The following STX16 variants were observed in gnomAD, a reference collection of about 807,000 sequenced individuals.
STX16 encodes the protein syntaxin-16.
In STX16, 28 loss-of-function variants were observed where a neutral mutation model predicts 42.7. The ratio of observed to expected loss-of-function variants is 0.66; its 90% CI spans 0.49 to 0.90. STX16 has a LOEUF of 0.90. Among genes scored for constraint, STX16 ranks in the 40% least tolerant of loss-of-function variants. The pLI is 0.00. For missense variants in STX16, 361 were observed against 420.9 expected (o/e 0.86, Z 1.24); for synonymous variants, 156 against 155.2 (o/e 1.00, Z -0.04).
intron 2 of STX16, among the ~76,000 whole-genome samples, chr20:58,660,700 A>G (rs187867935): frequency 7.3e-6 from 1 of 136,296 alleles, no homozygotes; most frequent in East Asian, 2.4e-4. Context: ...CATGGATAAT[A>G]TGATTCCTGC....
Position 58,676,402 on chromosome 20 carries a change from C to T in STX16, c.*111C>T. 2.1e-6 allele frequency: 2 copies of T among 948,250 alleles called. No individual in the cohort carries two copies. Among genetic ancestry groups the T allele is most frequent in the Non-Finnish European group, 3.4e-6 (2 of 593,444 alleles). The allele number at this position is 948,250 out of a possible 1,614,324, so 58.7% of individuals were successfully genotyped here. On this transcript the variant is annotated 3_prime_UTR_variant, in exon 9 of 9. Transcript: ENST00000371141. ...GGTGCAGCCTCGAGGAATCTGAGGG[C>T]GTCGGGGCAGCGAACCTTTGCATCC...
In STX16 at chr20:58,677,735, A is replaced by G. The variant is rs2084167080; in HGVS notation, c.*1444A>G. 6.6e-6 allele frequency: 1 copy of G among 152,220 alleles called. No homozygotes were observed. The allele number at this position is 152,220 out of a possible 1,614,324, so 9.4% of individuals were successfully genotyped here. A position where few individuals can be genotyped will look rare whatever the true frequency, so the allele number is the denominator to read the frequency against. ...CCAGTCACACAAAATGTCTCTCTAG[A>G]GTTGACTTTAAAGTTGTTTACAGAA... On this transcript the variant is annotated 3_prime_UTR_variant, in exon 9 of 9. Transcript: ENST00000371141.
Position 58,669,579 on chromosome 20 carries a change from C to T in STX16, c.556+126C>T, listed in dbSNP as rs1470326843. On this transcript the variant is annotated intron_variant, in intron 5 of 8. Transcript: ENST00000371141. Reference sequence around the variant, plus strand: ...TGTTAGCTTTTGAACATGCTCATACCTTGTACAGTAAAGGGAAGCCTCCTC... The same window carrying T: ...TGTTAGCTTTTGAACATGCTCATACTTTGTACAGTAAAGGGAAGCCTCCTC... 5.1e-6 allele frequency: 6 copies of T among 1,168,956 alleles called. 1 individual carries two copies. Among genetic ancestry groups the T allele is most frequent in the South Asian group, 3.2e-5 (2 of 62,292 alleles). The allele number at this position is 1,168,956 out of a possible 1,614,324, so 72.4% of individuals were successfully genotyped here. A position where few individuals can be genotyped will look rare whatever the true frequency, so the allele number is the denominator to read the frequency against.
Position 58,667,579 on chromosome 20 carries a change from G to C in STX16, c.234G>C (p.Trp78Cys), listed in dbSNP as rs369804857. 1 of 1,613,908 alleles carries C rather than the reference G, an allele frequency of 6.2e-7. No individual in the cohort carries two copies. Among genetic ancestry groups the C allele is most frequent in the African/African-American group, 1.3e-5 (1 of 74,916 alleles). ...IGVTKRPPPKWVDGVDEIQYD... is the reference protein window; with the variant it reads ...IGVTKRPPPKCVDGVDEIQYD... ...TGACAAAACGGCCACCTCCTAAGTG[G>C]GTGGATGGAGTGGATGAAGTAAGTT... Residue 78 changes from tryptophan to cysteine, a missense_variant, in exon 3 of 9, where the codon TGG becomes TGC. Trp to Cys is a radical substitution (Grantham distance 215, BLOSUM62 -2). Transcript: ENST00000371141.
At chr20:58,658,849 G>GA (rs947919565) in intron 1 of STX16, among the ~76,000 whole-genome samples, 1 of 152,010 alleles carries the variant, frequency 6.6e-6, no homozygotes, top group Non-Finnish European at 1.5e-5. Flanking sequence ...CCCCTTAAAA[G>GA]AAAAAAATTA....
At chr20:58,652,266 T>C in intron 1 of STX16, 128 bp downstream of exon 1, 3 of 1,377,752 alleles carry the variant, frequency 2.2e-6, no homozygotes, top group East Asian at 2.6e-5. Flanking sequence ...AATAATAAGA[T>C]CTCTTGGCTA....
rs2083465786 is a variant in STX16 at position 58,651,954 on chromosome 20, A to G, written c.-53A>G. 1 of 1,588,672 alleles carries G rather than the reference A, an allele frequency of 6.3e-7. No homozygotes were observed. The highest frequency in any genetic ancestry group is 1.7e-5 in the Admixed American group (1 of 59,306). ...CCACGAGAAAGAAAGTGAATAAATC[A>G]GGAATATAAGTGGGCGGGGGGCCCC... is the stretch of plus-strand genomic sequence containing the variant. On this transcript the variant is annotated 5_prime_UTR_variant, in exon 1 of 9. Transcript: ENST00000371141.
intron 2 of STX16, chr20:58,667,265 GAT>G (rs1331021570): frequency 3.1e-6 from 2 of 637,298 alleles, no homozygotes; most frequent in Non-Finnish European, 5.8e-6. Context: ...TGCATGAAAA[GAT>G]AGGAAAACAA....
At chr20:58,671,322 A>G in intron 7 of STX16, 25 bp downstream of exon 7, 1 of 1,587,280 alleles carries the variant, frequency 6.3e-7, no homozygotes. Flanking sequence ...CTTCCTCGTG[A>G]ATAGGTTTTC....
chr20:58,674,704 T>G (rs2084062199), intron 8 of STX16, among the ~76,000 whole-genome samples: 1 of 152,224 alleles, frequency 6.6e-6, no homozygotes, highest in Non-Finnish European at 1.5e-5. Context: ...AAGAGAAGTC[T>G]GACCTTGTCT....
chr20:58,673,672 C>G lies in STX16; in HGVS notation c.834C>G (p.Ser278=), dbSNP rs368191193. 114 of 1,613,708 alleles carry G rather than the reference C, an allele frequency of 7.1e-5. No homozygotes were observed. Among genetic ancestry groups the G allele is most frequent in the South Asian group, 5.6e-4 (51 of 91,062 alleles). The change falls in exon 8 of 9, where the codon TCC becomes TCG. Residue 278 remains serine (S), a synonymous_variant. Transcript: ENST00000371141. ...LDRIDYNVEQ[S]CIKTEDGLKQ... Reference sequence around the variant, plus strand: ...GAATTGACTATAACGTTGAACAGTCCTGTATCAAAACTGAAGATGGTTTGA... The same window carrying G: ...GAATTGACTATAACGTTGAACAGTCGTGTATCAAAACTGAAGATGGTTTGA...
rs745780443 is a variant in STX16 at position 58,657,174 on chromosome 20, C to T, written c.133-2449C>T. On this transcript the variant is annotated intron_variant, in intron 1 of 8. Transcript: ENST00000371141. The surrounding 1 kb of genome is among the most constrained non-coding windows in gnomAD (Gnocchi z 4.2). ...TCTTTCTTTATCTCACTTTATGAAC[C>T]TTACATAGTCAATTTTAACTTGCAG... Among the ~76,000 whole-genome samples the T allele has an allele frequency of 4.6e-5, 7 of 152,148 alleles. No homozygotes were observed. The highest frequency in any genetic ancestry group is 1.0e-4 in the Non-Finnish European group (7 of 68,034).
chr20:58,675,561 T>A (rs2084092979), intron 8 of STX16, among the ~76,000 whole-genome samples: 2 of 152,322 alleles, frequency 1.3e-5, no homozygotes, highest in South Asian at 4.1e-4. Context: ...GTCCCCAGAT[T>A]GAGCTTGGAG....
rs1230142166 is a variant in STX16 at position 58,678,640 on chromosome 20, A to G, written c.*2349A>G. ...GGGTGACAGAGCGAGGCTCCGTCTCAAAAAAAAAAAAAAAAAATTGTTTTA... is the reference window on the plus strand; with the variant it reads ...GGGTGACAGAGCGAGGCTCCGTCTCGAAAAAAAAAAAAAAAAATTGTTTTA... On this transcript the variant is annotated 3_prime_UTR_variant, in exon 9 of 9. Coordinates refer to ENST00000371141, the MANE Select transcript of STX16 (RefSeq NM_001001433.3). 7.4e-5 allele frequency: 2 copies of G among 26,848 alleles called. No individual in the cohort carries two copies. Among genetic ancestry groups the G allele is most frequent in the Non-Finnish European group, 1.9e-4 (2 of 10,522 alleles). 1.7% of individuals were successfully genotyped at this position (26,848 alleles called of 1,614,324 possible). A position where few individuals can be genotyped will look rare whatever the true frequency, so the allele number is the denominator to read the frequency against.
chr20:58,675,729 G>A (rs993847408), intron 8 of STX16, among the ~76,000 whole-genome samples: 4 of 152,302 alleles, frequency 2.6e-5, no homozygotes, highest in East Asian at 1.9e-4. Context: ...TCTTCCGGGT[G>A]TCTGTTGCCT....
chr20:58,673,555 T>C, intron 7 of STX16, 76 bp from the exon 8 acceptor site: 1 of 976,474 alleles, frequency 1.0e-6, no homozygotes, highest in Non-Finnish European at 1.6e-6. Context: ...TGTCTGTAAT[T>C]TGCATATCTC....
chr20:58,666,462 C>T (rs1260156966), intron 2 of STX16, among the ~76,000 whole-genome samples: 3 of 122,346 alleles, frequency 2.5e-5, no homozygotes, highest in African/African-American at 9.4e-5. Flanking sequence ...GAGTTTCGCT[C>T]TTGTTGCCCT....
At chr20:58,675,312 C>A (rs946763531) in intron 8 of STX16, among the ~76,000 whole-genome samples, 3 of 152,208 alleles carry the variant, frequency 2.0e-5, no homozygotes, top group African/African-American at 7.2e-5. Flanking sequence ...CCCGCTGTCT[C>A]CTCCTCCCTC....
Position 58,669,431 on chromosome 20 carries a change from C to G in STX16, c.534C>G (p.His178Gln). ...AGGAACTCTCCACCAGCTTCCGGCACGCACAGTCAGGCTACCTCAAACGTG... is the reference window on the plus strand; with the variant it reads ...AGGAACTCTCCACCAGCTTCCGGCAGGCACAGTCAGGCTACCTCAAACGTG... ...ALQELSTSFRHAQSGYLKRMK... is the reference protein window; with the variant it reads ...ALQELSTSFRQAQSGYLKRMK... The change falls in exon 5 of 9, where the codon CAC becomes CAG. Residue 178 changes from histidine (H) to glutamine (Q), a missense_variant. His to Gln is a conservative substitution (Grantham distance 24, BLOSUM62 0). Coordinates refer to ENST00000371141, the MANE Select transcript of STX16 (RefSeq NM_001001433.3). The G allele has an allele frequency of 6.2e-7, 1 of 1,611,592 alleles. No homozygotes were observed. The highest frequency in any genetic ancestry group is 1.7e-4 in the Middle Eastern group (1 of 6,050).
Sources: gnomAD v4.1 joint callset for allele counts (sites outside exome capture counted in the v4.1 genomes callset) on GRCh38, gnomAD v4.1.1 for gene constraint, Gnocchi (gnomAD v3.1) non-coding constraint, MANE v1.5 for transcripts, NCBI Gene and HGNC (gene_info 2026-07-23, HGNC 2026-07-21) for gene names.